The following COBL variants were observed in gnomAD, a reference collection of about 807,000 sequenced individuals.
COBL encodes the protein cordon-bleu WH2 repeat protein, also known as protein cordon-bleu.
In COBL, 51 loss-of-function variants were observed where a neutral mutation model predicts 98.8. The ratio of observed to expected loss-of-function variants is 0.52; its 90% CI spans 0.41 to 0.65. COBL has a LOEUF of 0.65. Among genes scored for constraint, COBL ranks in the 30% least tolerant of loss-of-function variants. The probability of loss-of-function intolerance (pLI) is 0.00; values close to 1 mark genes in which losing one functional copy is unlikely to be tolerated. For missense variants in COBL, 1,617 were observed against 1,617.5 expected, an observed-to-expected ratio of 1.00 and a Z score of 0.01; for synonymous variants, 634 against 651.7, an observed-to-expected ratio of 0.97 and a Z score of 0.41.
intron 4 of COBL, among the ~76,000 whole-genome samples, chr7:51,184,947 C>T (rs1315897031): frequency 6.6e-6 from 1 of 152,230 alleles, no homozygotes; most frequent in Non-Finnish European, 1.5e-5. Context: ...CATCAAATCT[C>T]CCAGGAACCA....
intron 7 of COBL, among the ~76,000 whole-genome samples, chr7:51,046,806 C>A (rs1789751769): frequency 6.6e-6 from 1 of 152,160 alleles, no homozygotes; most frequent in Non-Finnish European, 1.5e-5. Flanking sequence ...CCAGGGACCC[C>A]AGCCTGAAAC....
intron 1 of COBL, among the ~76,000 whole-genome samples, chr7:51,287,640 C>A (rs976510855): frequency 4.6e-5 from 7 of 151,892 alleles, no homozygotes; most frequent in Non-Finnish European, 8.8e-5. Flanking sequence ...GGGTATTTAC[C>A]CTAAAGAAAT....
chr7:51,116,492 C>T (rs1298086456), intron 6 of COBL, among the ~76,000 whole-genome samples: 3 of 152,010 alleles, frequency 2.0e-5, no homozygotes, highest in Non-Finnish European at 4.4e-5. Context: ...ATGTATTACA[C>T]TTATAGAGAT....
intron 2 of COBL, among the ~76,000 whole-genome samples, chr7:51,215,090 A>T: frequency 6.6e-6 from 1 of 152,280 alleles, no homozygotes; most frequent in South Asian, 2.1e-4. Context: ...TTGACCCATG[A>T]ATAAATAAGC....
rs151313254 is a variant in COBL, at chr7:51,048,371, T to C, written c.1097-4679A>G. On this transcript the variant is annotated intron_variant, in intron 7 of 12. Transcript: ENST00000265136. ...AAATATTGTAATTTTTTAAATTGTA[T>C]TACTGTTTAATATGCCATTTACAAC... Among the ~76,000 whole-genome samples, 303 of 152,298 alleles carry C rather than the reference T, an allele frequency of 2.0e-3. 1 individual carries two copies. The highest frequency in any genetic ancestry group is 7.0e-3 in the African/African-American group (292 of 41,570).
intron 5 of COBL, among the ~76,000 whole-genome samples, chr7:51,178,180 C>CTCTATA (rs1554417020): frequency 2.7e-5 from 4 of 148,736 alleles, no homozygotes; most frequent in South Asian, 2.1e-4. Flanking sequence ...CTCTCTCTCT[C>CTCTATA]TATATATATA....
chr7:51,268,932 TAAAAAAAA>T (rs34068228), intron 1 of COBL, among the ~76,000 whole-genome samples: 2 of 103,552 alleles, frequency 1.9e-5, no homozygotes, highest in African/African-American at 7.9e-5. Flanking sequence ...CCCGTCTCAA[TAAAAAAAA>T]AAAAAAAAAA....
chr7:51,209,093 C>T (rs1792147471), intron 2 of COBL, among the ~76,000 whole-genome samples: 1 of 148,904 alleles, frequency 6.7e-6, no homozygotes, highest in Non-Finnish European at 1.5e-5. Context: ...GCCCTAGGTG[C>T]CTGATCAGCC....
chr7:51,053,943 G>A (rs1790476065), intron 7 of COBL, among the ~76,000 whole-genome samples: 1 of 152,260 alleles, frequency 6.6e-6, no homozygotes, highest in Admixed American at 6.5e-5. Flanking sequence ...CACTTTGGGA[G>A]GCCGAGGTGG....
intron 2 of COBL, among the ~76,000 whole-genome samples, chr7:51,211,999 TG>T (rs1279378116): frequency 6.6e-6 from 1 of 152,152 alleles, no homozygotes; most frequent in Admixed American, 6.5e-5. Context: ...AGAGCAGGGG[TG>T]GAGGGGGTTA....
chr7:51,259,305 G>T, intron 1 of COBL: 1 of 166,188 alleles, frequency 6.0e-6, no homozygotes, highest in Non-Finnish European at 1.2e-5. Context: ...AAAAAAAAAA[G>T]AGTAACCCAA....
chr7:51,151,114 T>C (rs987582965), intron 5 of COBL, among the ~76,000 whole-genome samples: 1 of 152,178 alleles, frequency 6.6e-6, no homozygotes, highest in Non-Finnish European at 1.5e-5. Context: ...GATGTGGATC[T>C]TTCTGCCACT....
intron 1 of COBL, among the ~76,000 whole-genome samples, chr7:51,244,665 G>C (rs1480271821): frequency 6.6e-6 from 1 of 152,190 alleles, no homozygotes; most frequent in African/African-American, 2.4e-5. Context: ...CAGGCTGCAA[G>C]ACACTGCCAG....
chr7:51,261,326 T>C (rs889959227), intron 1 of COBL, among the ~76,000 whole-genome samples: 1 of 152,232 alleles, frequency 6.6e-6, no homozygotes, highest in Non-Finnish European at 1.5e-5. Context: ...TTTATTTATT[T>C]ACTCTCTATC....
At chr7:51,229,864 G>A (rs1383434082) in intron 1 of COBL, among the ~76,000 whole-genome samples, 3 of 152,116 alleles carry the variant, frequency 2.0e-5, no homozygotes, top group Admixed American at 6.5e-5. Flanking sequence ...TGGATACACC[G>A]TGAGCTTGAC....
At chr7:51,291,400 A>G (rs1800877817) in intron 1 of COBL, among the ~76,000 whole-genome samples, 1 of 152,218 alleles carries the variant, frequency 6.6e-6, no homozygotes, top group South Asian at 2.1e-4. Context: ...TTAAGTATGG[A>G]CAGGAAATTA....
At chr7:51,183,255 G>T (rs1161121324) in intron 5 of COBL, among the ~76,000 whole-genome samples, 1 of 152,180 alleles carries the variant, frequency 6.6e-6, no homozygotes, top group African/African-American at 2.4e-5. Context: ...GAAATATACA[G>T]ATGGAGCACA....
chr7:51,201,246 A>AG (rs2129065376), intron 2 of COBL, among the ~76,000 whole-genome samples: 1 of 145,954 alleles, frequency 6.9e-6, no homozygotes, highest in Admixed American at 6.7e-5. Flanking sequence ...TCTCAAAAAA[A>AG]AAAAAAAAAA....
intron 3 of COBL, 39 bp downstream of exon 3, chr7:51,193,340 C>G: frequency 3.8e-6 from 6 of 1,577,520 alleles, no homozygotes; most frequent in Non-Finnish European, 5.2e-6. Context: ...ACCTGCCACA[C>G]ATTCAGACAC....
Sources: allele counts gnomAD v4.1 joint callset (sites outside exome capture counted in the v4.1 genomes callset), GRCh38; gene constraint gnomAD v4.1.1; transcripts MANE v1.5; gene names NCBI Gene and HGNC (gene_info 2026-07-23, HGNC 2026-07-21).